The following NCKAP5 variants were observed in gnomAD, a reference collection of about 807,000 sequenced individuals.
NCKAP5 encodes nck-associated protein 5.
In NCKAP5, 92 loss-of-function variants were observed where a neutral mutation model predicts 167.0. The observed-to-expected ratio is 0.55, with a 90% CI of 0.47 to 0.66. The LOEUF is 0.66. Among genes scored for constraint, NCKAP5 ranks in the 30% least tolerant of loss-of-function variants. The pLI is 0.00. For missense variants in NCKAP5, 2,378 were observed against 2,315.0 expected, an observed-to-expected ratio of 1.03 and a Z score of -0.56; for synonymous variants, 891 against 877.4, an observed-to-expected ratio of 1.02 and a Z score of -0.27.
chr2:133,556,035 A>C (rs780937794), intron 2 of NCKAP5, among the ~76,000 whole-genome samples: 2 of 152,244 alleles, frequency 1.3e-5, no homozygotes, highest in African/African-American at 4.8e-5. Context: ...CACAAACCGT[A>C]TGATTCCAAT....
intron 10 of NCKAP5, among the ~76,000 whole-genome samples, chr2:132,865,657 G>T (rs2148739981): frequency 6.6e-6 from 1 of 152,130 alleles, no homozygotes; most frequent in African/African-American, 2.4e-5. Context: ...GATTTTCATG[G>T]TATCTCTCTC....
intron 2 of NCKAP5, among the ~76,000 whole-genome samples, chr2:133,530,093 G>A (rs901719394): frequency 1.3e-5 from 2 of 152,098 alleles, no homozygotes; most frequent in African/African-American, 2.4e-5. Context: ...ACCATCTGAA[G>A]ATAATTTTGT....
chr2:133,146,070 G>A (rs2083185091), intron 5 of NCKAP5, among the ~76,000 whole-genome samples: 1 of 151,778 alleles, frequency 6.6e-6, no homozygotes, highest in Non-Finnish European at 1.5e-5. Flanking sequence ...TTGTGATGAA[G>A]TTATTAAAAA....
chr2:132,801,541 T>C (rs997891940), intron 11 of NCKAP5, among the ~76,000 whole-genome samples: 1 of 152,218 alleles, frequency 6.6e-6, no homozygotes, highest in Admixed American at 6.5e-5. Context: ...GAAAGAGACC[T>C]GCTTTCTGTC....
chr2:133,261,596 T>G (rs1227255021), intron 4 of NCKAP5, among the ~76,000 whole-genome samples: 2 of 152,234 alleles, frequency 1.3e-5, no homozygotes, highest in Non-Finnish European at 2.9e-5. Context: ...AATAAGACTG[T>G]GTTCTTCATC....
At chr2:132,914,445 T>A (rs998409315) in intron 8 of NCKAP5, among the ~76,000 whole-genome samples, 1 of 152,028 alleles carries the variant, frequency 6.6e-6, no homozygotes, top group African/African-American at 2.4e-5. Context: ...TGGGGAAATT[T>A]TAACTGATCT....
At chr2:132,674,647 C>T (rs1414524617) in intron 19 of NCKAP5, among the ~76,000 whole-genome samples, 3 of 152,072 alleles carry the variant, frequency 2.0e-5, no homozygotes, top group African/African-American at 7.2e-5. Context: ...TAGATATAGC[C>T]AAAGCTTATG....
the NCKAP5 span, among the ~76,000 whole-genome samples, chr2:133,604,575 A>G: frequency 6.6e-6 from 1 of 152,076 alleles, no homozygotes; most frequent in East Asian, 1.9e-4. Context: ...CCCTTGTCTT[A>G]CTGTACTTGT....
intron 8 of NCKAP5, among the ~76,000 whole-genome samples, chr2:132,902,554 G>T (rs1036372654): frequency 6.6e-6 from 1 of 152,210 alleles, no homozygotes; most frequent in African/African-American, 2.4e-5. Context: ...ATTAAAAGCT[G>T]CCCAGGTATT....
chr2:132,705,338 T>G (rs576510691), intron 19 of NCKAP5, among the ~76,000 whole-genome samples: 8 of 152,174 alleles, frequency 5.3e-5, no homozygotes, highest in Non-Finnish European at 1.2e-4. Flanking sequence ...AAGATTTATA[T>G]ATACTTACCA....
intron 3 of NCKAP5, among the ~76,000 whole-genome samples, chr2:133,378,534 G>A (rs967685403): frequency 6.6e-6 from 1 of 152,134 alleles, no homozygotes; most frequent in African/African-American, 2.4e-5. Flanking sequence ...CCTCAGGTGG[G>A]GTGTGGGAGT....
intron 6 of NCKAP5, among the ~76,000 whole-genome samples, chr2:133,053,110 A>T (rs2079664779): frequency 6.6e-6 from 1 of 152,186 alleles, no homozygotes; most frequent in Non-Finnish European, 1.5e-5. Context: ...GATAAAACCA[A>T]GTACCTGCTG....
At chr2:133,019,894 G>A (rs1160989476) in intron 6 of NCKAP5, among the ~76,000 whole-genome samples, 1 of 152,242 alleles carries the variant, frequency 6.6e-6, no homozygotes, top group African/African-American at 2.4e-5. Context: ...GACAAGGCCT[G>A]TGTGGGTCGG....
intron 3 of NCKAP5, among the ~76,000 whole-genome samples, chr2:133,423,328 G>A (rs186916776): frequency 3.2e-4 from 48 of 152,214 alleles, no homozygotes; most frequent in Non-Finnish European, 5.6e-4. Flanking sequence ...TGACACTCCA[G>A]ACCTCTCCTT....
At chr2:132,739,524 G>A (rs1691823458) in intron 16 of NCKAP5, among the ~76,000 whole-genome samples, 3 of 152,084 alleles carry the variant, frequency 2.0e-5, no homozygotes, top group African/African-American at 7.2e-5. Flanking sequence ...AAATAAGCCT[G>A]GCAGAGTGCT....
chr2:132,925,083 T>A lies in NCKAP5; in HGVS notation c.579+38637A>T, dbSNP rs181443909. Reference sequence around the variant, plus strand: ...TGGGGGCAGTGGTCTTCAACATTTTTGGCACCAAGGACCAGTTTCGTGGAA... The same window carrying A: ...TGGGGGCAGTGGTCTTCAACATTTTAGGCACCAAGGACCAGTTTCGTGGAA... On this transcript the variant is annotated intron_variant, in intron 8 of 19. Transcript: ENST00000409261. Among the ~76,000 whole-genome samples the A allele has an allele frequency of 2.2e-4, 33 of 152,264 alleles. No homozygotes were observed. The East Asian group carries it at 4.4e-3, about 21-fold the overall frequency.
chr2:132,909,618 G>A (rs890524096), intron 8 of NCKAP5, among the ~76,000 whole-genome samples: 1 of 152,164 alleles, frequency 6.6e-6, no homozygotes, highest in African/African-American at 2.4e-5. Context: ...CTCATCCAGA[G>A]GAGCTAACTG....
intron 8 of NCKAP5, among the ~76,000 whole-genome samples, chr2:132,890,743 G>A (rs1239316602): frequency 6.6e-6 from 1 of 152,164 alleles, no homozygotes; most frequent in African/African-American, 2.4e-5. Flanking sequence ...CTGCCATAGT[G>A]GCCATATGTG....
intron 8 of NCKAP5, among the ~76,000 whole-genome samples, chr2:132,959,096 A>G (rs2076431678): frequency 6.8e-6 from 1 of 147,422 alleles, no homozygotes; most frequent in South Asian, 2.1e-4. Context: ...ATATATTATT[A>G]ATATATTTAA....
Sources: allele counts gnomAD v4.1 joint callset (sites outside exome capture counted in the v4.1 genomes callset), GRCh38; gene constraint gnomAD v4.1.1; transcripts MANE v1.5; gene names NCBI Gene and HGNC (gene_info 2026-07-23, HGNC 2026-07-21).